Variants in RBMS3 observed in about 807,000 individuals in gnomAD.
RBMS3 encodes RNA-binding motif, single-stranded-interacting protein 3.
A neutral mutation model predicts 66.8 loss-of-function variants in RBMS3; 27 were observed. That is an observed-to-expected ratio of 0.40 (90% CI 0.30 to 0.56). RBMS3 has a LOEUF of 0.56. Among genes scored for constraint, RBMS3 ranks in the 20% least tolerant of loss-of-function variants. RBMS3 has a pLI of 0.40. For missense variants in RBMS3, 513 were observed against 549.5 expected, an observed-to-expected ratio of 0.93 and a Z score of 0.66; for synonymous variants, 188 against 183.0, an observed-to-expected ratio of 1.03 and a Z score of -0.22.
At chr3:29,315,807 G>A (rs753734959) in intron 1 of RBMS3, among the ~76,000 whole-genome samples, 3 of 151,768 alleles carry the variant, frequency 2.0e-5, no homozygotes, top group Non-Finnish European at 3.0e-5. Context: ...AGAGTCGAAA[G>A]GACACTTAAA....
At chr3:29,799,619 C>T (rs1257869474) in intron 6 of RBMS3, among the ~76,000 whole-genome samples, 1 of 152,116 alleles carries the variant, frequency 6.6e-6, no homozygotes, top group African/African-American at 2.4e-5. Flanking sequence ...AGCATGACCC[C>T]CCTCAGATAG....
At chr3:29,385,587 T>C (rs541672164) in intron 1 of RBMS3, among the ~76,000 whole-genome samples, 53 of 152,312 alleles carry the variant, frequency 3.5e-4, no homozygotes, top group African/African-American at 1.2e-3. Context: ...CCCCCCTCTA[T>C]GAGTCTCGTG....
chr3:29,322,065 G>A (rs1353249993), intron 1 of RBMS3, among the ~76,000 whole-genome samples: 1 of 152,116 alleles, frequency 6.6e-6, no homozygotes, highest in Admixed American at 6.5e-5. Flanking sequence ...CAGGCACTGA[G>A]CTTAGGGCTA....
chr3:29,563,342 C>T (rs1183613338), intron 3 of RBMS3, among the ~76,000 whole-genome samples: 1 of 152,176 alleles, frequency 6.6e-6, no homozygotes, highest in African/African-American at 2.4e-5. Context: ...ATATTTCAAG[C>T]TTTAATTCTA....
intron 5 of RBMS3, among the ~76,000 whole-genome samples, chr3:29,754,430 T>C (rs1576705264): frequency 6.6e-6 from 1 of 152,172 alleles, no homozygotes. Context: ...TTTCAAAAAG[T>C]GAATTGGTCT....
chr3:29,588,004 C>T (rs2047593980), intron 4 of RBMS3, among the ~76,000 whole-genome samples: 1 of 151,856 alleles, frequency 6.6e-6, no homozygotes, highest in South Asian at 2.1e-4. Flanking sequence ...ACATATTGCG[C>T]CAATGTCAGT....
intron 4 of RBMS3, among the ~76,000 whole-genome samples, chr3:29,630,417 G>GA (rs2049241114): frequency 6.6e-6 from 1 of 151,810 alleles, no homozygotes; most frequent in African/African-American, 2.4e-5. Flanking sequence ...CATCTGAGAG[G>GA]AAGAATTGGG....
At chr3:29,456,719 G>A (rs1559376391) in intron 2 of RBMS3, among the ~76,000 whole-genome samples, 1 of 141,704 alleles carries the variant, frequency 7.1e-6, no homozygotes, top group African/African-American at 2.5e-5. Context: ...GTACTTGTGG[G>A]AACTAAAAAA....
chr3:29,892,820 T>TATGC (rs2060033580), intron 8 of RBMS3, among the ~76,000 whole-genome samples: 1 of 130,506 alleles, frequency 7.7e-6, no homozygotes, highest in Non-Finnish European at 1.6e-5. Flanking sequence ...TGTATGTATG[T>TATGC]ATGTATGTAT....
In RBMS3 at chr3:29,534,037, C is replaced by G. The variant is rs148571202; in HGVS notation, c.307+45538C>G. 5.3e-5 allele frequency among the ~76,000 whole-genome samples: 8 copies of G among 152,318 alleles called. No homozygotes were observed. The East Asian group carries it at 1.5e-3, about 29-fold the overall frequency. On this transcript the variant is annotated intron_variant, in intron 3 of 14. Transcript: ENST00000383767. The stretch of plus-strand genomic sequence containing the variant: ...ACAAGAGTAATTAAACACTGTGACT[C>G]AAATTAAGAAAGGTGACCAGGCTGA...
intron 4 of RBMS3, among the ~76,000 whole-genome samples, chr3:29,732,548 A>G (rs2054181884): frequency 6.6e-6 from 1 of 152,156 alleles, no homozygotes; most frequent in Non-Finnish European, 1.5e-5. Flanking sequence ...TGAAGCAAGT[A>G]TGGCTGAAAC....
At chr3:29,292,934 A>G (rs2032941756) in intron 1 of RBMS3, among the ~76,000 whole-genome samples, 1 of 151,888 alleles carries the variant, frequency 6.6e-6, no homozygotes, top group Non-Finnish European at 1.5e-5. Flanking sequence ...ATGTAAATTC[A>G]TAATTTGATG....
At chr3:29,587,245 TTTTTGTG>T (rs1559490823) in intron 4 of RBMS3, 40 bp downstream of exon 4, 36 of 803,654 alleles carry the variant, frequency 4.5e-5, no homozygotes, top group Middle Eastern at 3.5e-4. Context: ...TTTTTTTTTT[TTTTTGTG>T]TGTGTGTGTG....
At chr3:29,901,692 A>G (rs1429319659) in intron 10 of RBMS3, among the ~76,000 whole-genome samples, 1 of 151,774 alleles carries the variant, frequency 6.6e-6, no homozygotes, top group East Asian at 1.9e-4. Context: ...TGCTGTGGCT[A>G]CTACTCAGAG....
At chr3:29,793,908 G>A (rs1349218979) in intron 6 of RBMS3, among the ~76,000 whole-genome samples, 3 of 152,156 alleles carry the variant, frequency 2.0e-5, no homozygotes, top group African/African-American at 7.2e-5. Context: ...CTCATGAATC[G>A]CTTGGTGCTA....
chr3:29,287,815 T>A (rs2032487530), intron 1 of RBMS3, among the ~76,000 whole-genome samples: 1 of 152,046 alleles, frequency 6.6e-6, no homozygotes, highest in Non-Finnish European at 1.5e-5. Context: ...CTTATAGAAT[T>A]GGCTATTTTT....
intron 2 of RBMS3, among the ~76,000 whole-genome samples, chr3:29,481,691 G>A (rs2043134711): frequency 6.6e-6 from 1 of 152,170 alleles, no homozygotes; most frequent in Non-Finnish European, 1.5e-5. Flanking sequence ...AAGAAACTGT[G>A]AATTGACTTG....
intron 1 of RBMS3, among the ~76,000 whole-genome samples, chr3:29,367,181 A>G (rs1033613150): frequency 3.3e-5 from 5 of 152,148 alleles, no homozygotes; most frequent in African/African-American, 7.2e-5. Context: ...AAACTGGGAA[A>G]TGTGAATTAA....
chr3:29,790,217 A>G (rs1192972839), intron 6 of RBMS3, among the ~76,000 whole-genome samples: 2 of 152,196 alleles, frequency 1.3e-5, no homozygotes, highest in Non-Finnish European at 2.9e-5. Context: ...AATCTATTCT[A>G]AAATATAGGT....
Sources: allele counts gnomAD v4.1 joint callset (sites outside exome capture counted in the v4.1 genomes callset), GRCh38; gene constraint gnomAD v4.1.1; transcripts MANE v1.5; gene names NCBI Gene and HGNC (gene_info 2026-07-23, HGNC 2026-07-21).